Variants in EIF5 observed in about 807,000 individuals in gnomAD.
EIF5 encodes the protein eukaryotic translation initiation factor 5.
Under a neutral mutation model 48.3 loss-of-function variants are expected in EIF5, and 10 were observed. The observed-to-expected ratio is 0.21, with a 90% CI of 0.13 to 0.35. EIF5 has a LOEUF of 0.35. EIF5 is among the 10% of genes least tolerant of loss of function. The pLI, the probability that EIF5 is intolerant of heterozygous loss-of-function variation, is 1.00. For missense variants in EIF5, 397 were observed against 533.2 expected, an observed-to-expected ratio of 0.74 and a Z score of 2.51; for synonymous variants, 237 against 173.1, an observed-to-expected ratio of 1.37 and a Z score of -2.90.
Position 103,342,933 on chromosome 14 carries a change from T to C in EIF5, c.*1881T>C, listed in dbSNP as rs529675571. 15 of 152,796 alleles carry C rather than the reference T, an allele frequency of 9.8e-5. No individual in the cohort carries two copies. The highest frequency in any genetic ancestry group is 3.9e-4 in the Admixed American group (6 of 15,302). The allele number at this position is 152,796 out of a possible 1,614,324, so 9.5% of individuals were successfully genotyped here. ...GTGTCAAGCTAATGAGGTTCTATTA[T>C]AAAGGTTCTACTTTTAATCTGAGGG... On this transcript the variant is annotated 3_prime_UTR_variant, in exon 12 of 12. Coordinates refer to ENST00000216554, the MANE Select transcript of EIF5 (RefSeq NM_001969.5).
chr14:103,337,818 G>C (rs1198081393), intron 6 of EIF5: 1 of 500,254 alleles, frequency 2.0e-6, no homozygotes, highest in Non-Finnish European at 4.0e-6. Context: ...GTTTGGTAAA[G>C]AGGGCCCCCT....
At chr14:103,337,091 A>G (rs966621121) in intron 5 of EIF5, 25 bp from the exon 6 acceptor site, 2 of 1,592,094 alleles carry the variant, frequency 1.3e-6, no homozygotes, top group African/African-American at 2.7e-5. Flanking sequence ...TATATTATGG[A>G]TAACATTTGT....
intron 2 of EIF5, chr14:103,334,993 G>C (rs1197718474): frequency 3.3e-5 from 5 of 152,226 alleles, no homozygotes; most frequent in African/African-American, 4.8e-5. Flanking sequence ...CCTCCTTCGC[G>C]GAGCTGCCCG....
intron 5 of EIF5, 57 bp from the exon 6 acceptor site, chr14:103,337,059 C>G: frequency 2.6e-6 from 4 of 1,510,586 alleles, no homozygotes; most frequent in East Asian, 2.3e-5. Context: ...TTTAGATGTC[C>G]TCTGATTAGA....
At position 103,339,448 on chromosome 14, in the gene EIF5, C is replaced by T. The variant is rs1033835888; in HGVS notation, c.906+115C>T. The T allele has an allele frequency of 7.0e-6, 10 of 1,433,870 alleles. No individual in the cohort carries two copies. In the Admixed American group the frequency reaches 1.4e-4, roughly 20 times the overall value. 88.8% of individuals were successfully genotyped at this position (1,433,870 alleles called of 1,614,324 possible). On this transcript the variant is annotated intron_variant, in intron 9 of 11. Transcript: ENST00000216554. ...GCTTGAAAGTGGGGAAATTGACCCACCTTACAAGCCTCTGAGTATCTGAAA... is the reference window on the plus strand; with the variant it reads ...GCTTGAAAGTGGGGAAATTGACCCATCTTACAAGCCTCTGAGTATCTGAAA...
chr14:103,340,887 T>C (rs1430935439), intron 11 of EIF5, 76 bp from the exon 12 acceptor site: 66 of 1,474,688 alleles, frequency 4.5e-5, no homozygotes, highest in Non-Finnish European at 6.0e-5. Context: ...TCCTCCTCTG[T>C]GACCACAATT....
rs1159510416 is a variant in EIF5 at position 103,342,063 on chromosome 14, T to G, written c.*1011T>G. 6.6e-6 allele frequency: 1 copy of G among 152,668 alleles called. No individual in the cohort carries two copies. The highest frequency in any genetic ancestry group is 2.4e-5 in the African/African-American group (1 of 41,452). 9.5% of individuals were successfully genotyped at this position (152,668 alleles called of 1,614,324 possible). On this transcript the variant is annotated 3_prime_UTR_variant, in exon 12 of 12. Coordinates refer to ENST00000216554, the MANE Select transcript of EIF5 (RefSeq NM_001969.5). ...GCCTTTTACATTTGGACACATAGTT[T>G]ATGCTTTTTAGATTTTGGTTGCTTT...
chr14:103,336,263 T>C, intron 4 of EIF5, 146 bp downstream of exon 4: 1 of 839,698 alleles, frequency 1.2e-6, no homozygotes, highest in South Asian at 1.8e-5. Flanking sequence ...GCCATGAGTT[T>C]ACAAAACTAC....
Position 103,340,570 on chromosome 14 carries a change from T to A in EIF5, c.1206+9T>A. 1 of 1,606,886 alleles carries A rather than the reference T, an allele frequency of 6.2e-7. No homozygotes were observed. Among genetic ancestry groups the A allele is most frequent in the Non-Finnish European group, 8.5e-7 (1 of 1,173,954 alleles). On this transcript the variant is annotated intron_variant, in intron 11 of 11. Transcript: ENST00000216554. ...AAGATGAGAACATTGAGGTAAACAT[T>A]GGGGGAGGAGGGTATTGGATACAGT...
intron 9 of EIF5, 125 bp from the exon 10 acceptor site, chr14:103,339,514 T>C: frequency 6.9e-7 from 1 of 1,457,616 alleles, no homozygotes. Context: ...GGGATGTTTA[T>C]GCATTGACCT....
In EIF5 at chr14:103,340,486, A is replaced by G. The variant is rs2089340395; in HGVS notation, c.1131A>G (p.Pro377=). Residue 377 remains proline, a synonymous_variant, in exon 11 of 12, where the codon CCA becomes CCG. Coordinates refer to ENST00000216554, the MANE Select transcript of EIF5 (RefSeq NM_001969.5). ...LAKEIRVKAE[P]FIKWLKEAEE... Reference sequence around the variant, plus strand: ...AAGAGATTCGTGTCAAAGCAGAACCATTTATAAAATGGTTGAAGGAGGCAG... The same window carrying G: ...AAGAGATTCGTGTCAAAGCAGAACCGTTTATAAAATGGTTGAAGGAGGCAG... The G allele has an allele frequency of 6.2e-7, 1 of 1,612,388 alleles. No individual in the cohort carries two copies. The highest frequency in any genetic ancestry group is 8.5e-7 in the Non-Finnish European group (1 of 1,178,454).
At chr14:103,337,747 G>T in intron 6 of EIF5, 1 of 433,506 alleles carries the variant, frequency 2.3e-6, no homozygotes, top group South Asian at 1.8e-5. Context: ...TTATCTGAGG[G>T]TAGATGAAGT....
intron 10 of EIF5, 125 bp downstream of exon 10, chr14:103,339,928 A>C: frequency 6.7e-5 from 75 of 1,117,862 alleles, no homozygotes; most frequent in Non-Finnish European, 8.7e-5. Context: ...GTATGATCTC[A>C]GCTCCCTGAA....
rs1407345637 is a variant in EIF5 at position 103,337,228 on chromosome 14, G to GT, written c.439+2dup. 1 of 1,607,176 alleles carries GT rather than the reference G, an allele frequency of 6.2e-7. No individual in the cohort carries two copies. Among genetic ancestry groups the GT allele is most frequent in the Non-Finnish European group, 8.5e-7 (1 of 1,177,128 alleles). ...ACATTCATTCTCAAAAACCCACCTG[G>GT]TGAGTCTTCCATGATGAACTCCTAA... On this transcript the variant is annotated splice_donor_variant, in intron 6 of 11. Transcript: ENST00000216554. LOFTEE classifies it high-confidence loss of function.
intron 6 of EIF5, 95 bp from the exon 7 acceptor site, chr14:103,338,232 A>G (rs920944514): frequency 2.0e-5 from 31 of 1,525,034 alleles, no homozygotes; most frequent in African/African-American, 1.9e-4. Context: ...GAGGGGATCC[A>G]TAGGAAAATA....
rs1250455189 is a variant in EIF5, at chr14:103,335,567, C to T, written c.-208-86C>T. On this transcript the variant is annotated intron_variant, in intron 2 of 11. Transcript: ENST00000216554. Reference sequence around the variant, plus strand: ...AAGGTGGAGTTAAGCAGAAGCATAACTAGGATGTAAAAAGGAGGCGTTTCC... The same window carrying T: ...AAGGTGGAGTTAAGCAGAAGCATAATTAGGATGTAAAAAGGAGGCGTTTCC... The T allele has an allele frequency of 2.1e-5, 10 of 472,290 alleles. No individual in the cohort carries two copies. The Admixed American group carries it at 3.3e-4, about 16-fold the overall frequency. The allele number at this position is 472,290 out of a possible 1,614,324, so 29.3% of individuals were successfully genotyped here.
Position 103,341,278 on chromosome 14 carries a change from C to G in EIF5, c.*226C>G, listed in dbSNP as rs748949132. ...TAGTTTGCTTATTTATAGCATGTTT[C>G]TTTTTGAAAAACTAGTGGTGGACAC... On this transcript the variant is annotated 3_prime_UTR_variant, in exon 12 of 12. Transcript: ENST00000216554. The G allele has an allele frequency of 2.2e-6, 1 of 446,756 alleles. No homozygotes were observed. The highest frequency in any genetic ancestry group is 3.1e-5 in the South Asian group (1 of 32,340). 27.7% of individuals were successfully genotyped at this position (446,756 alleles called of 1,614,324 possible). A position where few individuals can be genotyped will look rare whatever the true frequency, so the allele number is the denominator to read the frequency against.
rs375621701 is a variant in EIF5, at chr14:103,335,989, G to A, written c.73-47G>A. 26 of 1,613,878 alleles carry A rather than the reference G, an allele frequency of 1.6e-5. No homozygotes were observed. In the African/African-American group the frequency reaches 3.2e-4, roughly 20 times the overall value. On this transcript the variant is annotated intron_variant, in intron 3 of 11. Transcript: ENST00000216554. ...CTCTTTTTGTAGAATTTTGAAGTTT[G>A]CATTTGTCAGGGGAAACTGCACAAC... is the stretch of plus-strand genomic sequence containing the variant.
At position 103,338,357 on chromosome 14, in the gene EIF5, A is replaced by G. The variant is rs777225335; in HGVS notation, c.470A>G (p.Glu157Gly). 3.1e-6 allele frequency: 5 copies of G among 1,614,164 alleles called. No individual in the cohort carries two copies. The highest frequency in any genetic ancestry group is 3.3e-5 in the Admixed American group (2 of 60,026). ...AGTGACAGTGGTACAGGAAAGAAAGAAAAAGAAAAGAAAAACAGAAAGGGC... is the reference window on the plus strand; with the variant it reads ...AGTGACAGTGGTACAGGAAAGAAAGGAAAAGAAAAGAAAAACAGAAAGGGC... ...ENSDSGTGKK[E>G]KEKKNRKGKD... The change falls in exon 7 of 12, where the codon GAA (glutamate) becomes GGA (glycine). Residue 157 changes from glutamate (E) to glycine (G), a missense_variant. Around this residue, in one of 4 missense-constraint regions of EIF5, gnomAD observed 126 missense variants for 141.9 expected, o/e 0.89. Coordinates refer to ENST00000216554, the MANE Select transcript of EIF5 (RefSeq NM_001969.5).
Sources: gnomAD v4.1 joint callset for allele counts on GRCh38, gnomAD v4.1.1 for gene constraint, gnomAD v4.1.1 regional missense constraint, MANE v1.5 for transcripts, NCBI Gene and HGNC (gene_info 2026-07-23, HGNC 2026-07-21) for gene names.